Variants in DAB1 observed in about 807,000 individuals in gnomAD.
The protein encoded by DAB1 is DAB adaptor protein 1, also known as disabled homolog 1.
In DAB1, 15 loss-of-function variants were observed where a neutral mutation model predicts 64.6. The observed-to-expected ratio is 0.23, with a 90% CI of 0.16 to 0.36. The LOEUF (loss-of-function observed/expected upper bound fraction) is 0.36, where lower values mean the gene tolerates loss of function less well. DAB1 is among the 10% of genes least tolerant of loss of function. The pLI, the probability that DAB1 is intolerant of heterozygous loss-of-function variation, is 1.00. For synonymous variants in DAB1, 235 were observed against 251.9 expected (o/e 0.93, Z 0.64); for missense variants, 596 against 706.7 (o/e 0.84, Z 1.78).
At chr1:58,515,804 T>C (rs1646149868) in intron 2 of DAB1, among the ~76,000 whole-genome samples, 1 of 152,214 alleles carries the variant, frequency 6.6e-6, no homozygotes, top group East Asian at 1.9e-4. Context: ...GATAAATCAC[T>C]TTACATCTTT....
intron 6 of DAB1, 81 bp downstream of exon 6, chr1:57,071,441 A>C (rs893682135): frequency 2.0e-6 from 3 of 1,488,790 alleles, no homozygotes; most frequent in African/African-American, 1.4e-5. Flanking sequence ...GGCAGCAGGA[A>C]GAGAAGGCCT....
chr1:57,470,827 C>A (rs72909294), intron 7 of DAB1, among the ~76,000 whole-genome samples: 1 of 152,068 alleles, frequency 6.6e-6, no homozygotes, highest in Non-Finnish European at 1.5e-5. Context: ...TGGTTGATAT[C>A]ATTCCATATA....
intron 1 of DAB1, among the ~76,000 whole-genome samples, chr1:57,858,518 T>C (rs1438608124): frequency 6.9e-6 from 1 of 144,540 alleles, no homozygotes; most frequent in African/African-American, 2.5e-5. Flanking sequence ...TAATTAGTAC[T>C]CAGATTTAAC....
chr1:57,955,636 TAGAGGATACAGCCCAAATTAGCACA>T (rs919599097), intron 5 of DAB1, among the ~76,000 whole-genome samples: 16 of 152,088 alleles, frequency 1.1e-4, no homozygotes, highest in East Asian at 1.9e-4. Context: ...AAGACTGAAA[TAGAGGATACAGCCCAAATTAGCACA>T]AGAGGATACA....
At chr1:58,070,941 C>T (rs892648477) in intron 5 of DAB1, among the ~76,000 whole-genome samples, 4 of 152,138 alleles carry the variant, frequency 2.6e-5, no homozygotes, top group African/African-American at 7.2e-5. Flanking sequence ...CAGGTGGAGA[C>T]GCCCAGTTCA....
chr1:58,490,541 T>C (rs1645662611), intron 3 of DAB1, among the ~76,000 whole-genome samples: 1 of 152,036 alleles, frequency 6.6e-6, no homozygotes, highest in African/African-American at 2.4e-5. Context: ...CAAGAGAACT[T>C]CCCCAATCTA....
intron 7 of DAB1, among the ~76,000 whole-genome samples, chr1:57,435,046 C>CTTTT (rs71580850): frequency 2.6e-4 from 24 of 93,086 alleles, no homozygotes; most frequent in East Asian, 9.5e-4. Flanking sequence ...TTCTTTTTTT[C>CTTTT]TTTTTTTTTT....
intron 7 of DAB1, among the ~76,000 whole-genome samples, chr1:57,624,338 A>G (rs1352524126): frequency 6.6e-6 from 1 of 152,146 alleles, no homozygotes; most frequent in African/African-American, 2.4e-5. Flanking sequence ...CTTACCAGCT[A>G]TATGACCTTT....
At chr1:58,505,172 G>A (rs1037664229) in intron 3 of DAB1, among the ~76,000 whole-genome samples, 2 of 152,028 alleles carry the variant, frequency 1.3e-5, no homozygotes, top group East Asian at 1.9e-4. Context: ...GGCTGGTCTC[G>A]AACTCCTGAC....
intron 9 of DAB1, among the ~76,000 whole-genome samples, chr1:57,054,470 C>CTTTTT (rs58175883): frequency 9.6e-4 from 67 of 69,462 alleles, no homozygotes; most frequent in East Asian, 1.3e-3. Flanking sequence ...CAGGAATGTG[C>CTTTTT]TTTTTTTTTT....
intron 7 of DAB1, among the ~76,000 whole-genome samples, chr1:57,528,774 C>T (rs1375139515): frequency 6.6e-5 from 1 of 15,178 alleles, no homozygotes; most frequent in Non-Finnish European, 3.4e-4. Context: ...CTTTAAGGTA[C>T]TTAAAGATGA....
chr1:58,311,581 C>A (rs1175404378), intron 4 of DAB1, among the ~76,000 whole-genome samples: 1 of 152,102 alleles, frequency 6.6e-6, no homozygotes, highest in Non-Finnish European at 1.5e-5. Flanking sequence ...AGAAATCCTG[C>A]CTTGGCAATC....
chr1:57,130,627 A>ATAT (rs1225331855), intron 4 of DAB1, among the ~76,000 whole-genome samples: 2 of 151,270 alleles, frequency 1.3e-5, no homozygotes, highest in East Asian at 3.9e-4. Flanking sequence ...AGCCTGGGGG[A>ATAT]TATTATGTTA....
At chr1:58,080,829 C>T (rs77819639) in intron 5 of DAB1, among the ~76,000 whole-genome samples, 4,337 of 152,302 alleles carry the variant, frequency 0.028, 191 homozygotes, top group African/African-American at 0.099. Context: ...AAAATAACTA[C>T]CCATCCTGCA....
chr1:57,026,587 T>C (rs1570534130), intron 9 of DAB1, among the ~76,000 whole-genome samples: 1 of 152,168 alleles, frequency 6.6e-6, no homozygotes, highest in Non-Finnish European at 1.5e-5. Context: ...CAGGCCACGA[T>C]TTAAATTTTC....
At chr1:58,490,960 C>G (rs1645675069) in intron 3 of DAB1, among the ~76,000 whole-genome samples, 1 of 151,648 alleles carries the variant, frequency 6.6e-6, no homozygotes, top group Non-Finnish European at 1.5e-5. Flanking sequence ...CACCCGCTAC[C>G]AAGCCCGGCT....
intron 2 of DAB1, among the ~76,000 whole-genome samples, chr1:57,208,286 G>A (rs1042871266): frequency 2.0e-5 from 3 of 150,446 alleles, no homozygotes; most frequent in African/African-American, 7.3e-5. Context: ...AACCTTAAAT[G>A]TCTGACCTGT....
intron 7 of DAB1, among the ~76,000 whole-genome samples, chr1:57,441,290 C>G (rs1282233888): frequency 1.4e-3 from 38 of 28,136 alleles, no homozygotes; most frequent in African/African-American, 3.2e-3. Flanking sequence ...TTCTTTCTTT[C>G]TTTCTTTCTT....
intron 3 of DAB1, among the ~76,000 whole-genome samples, chr1:58,489,314 G>C (rs1470486840): frequency 6.6e-6 from 1 of 152,234 alleles, no homozygotes; most frequent in Non-Finnish European, 1.5e-5. Context: ...CTGGCTCAAA[G>C]GGTCCTACGC....
Sources: gnomAD v4.1 joint callset for allele counts (sites outside exome capture counted in the v4.1 genomes callset) on GRCh38, gnomAD v4.1.1 for gene constraint, MANE v1.5 for transcripts, NCBI Gene and HGNC (gene_info 2026-07-23, HGNC 2026-07-21) for gene names.